The following TRPM3 variants were observed in gnomAD, a reference collection of about 807,000 sequenced individuals.
The protein encoded by TRPM3 is long transient receptor potential channel 3.
TRPM3 carries 77 observed loss-of-function variants against 181.2 expected under a neutral mutation model. That is an observed-to-expected ratio of 0.42 (90% confidence interval 0.35 to 0.51). TRPM3 has a LOEUF of 0.51. Ranked by LOEUF, TRPM3 falls within the 20% of genes least tolerant of loss-of-function variation. The probability of loss-of-function intolerance (pLI) is 0.01; values close to 1 mark genes in which losing one functional copy is unlikely to be tolerated. For synonymous variants in TRPM3, 745 were observed against 796.4 expected, an observed-to-expected ratio of 0.94 and a Z score of 1.09; for missense variants, 1,759 against 2,196.7, an observed-to-expected ratio of 0.80 and a Z score of 3.98.
intron 1 of TRPM3, among the ~76,000 whole-genome samples, chr9:71,108,716 C>T (rs1483947118): frequency 1.3e-5 from 2 of 152,222 alleles, no homozygotes; most frequent in Non-Finnish European, 2.9e-5. Context: ...TCCAGGGCCC[C>T]GTAACAGAGA....
intron 1 of TRPM3, among the ~76,000 whole-genome samples, chr9:71,334,095 C>A (rs1330123990): frequency 6.6e-6 from 1 of 151,716 alleles, no homozygotes; most frequent in Admixed American, 6.6e-5. Context: ...ACTAATTTTT[C>A]TTCTAAAGTA....
At chr9:71,299,268 T>C (rs1183657747) in intron 1 of TRPM3, among the ~76,000 whole-genome samples, 1 of 152,194 alleles carries the variant, frequency 6.6e-6, no homozygotes, top group Non-Finnish European at 1.5e-5. Context: ...TGTGTTTTGA[T>C]TGAGATGAAC....
At chr9:70,565,493 A>G (rs2050323575) in intron 22 of TRPM3, among the ~76,000 whole-genome samples, 1 of 152,068 alleles carries the variant, frequency 6.6e-6, no homozygotes, top group Non-Finnish European at 1.5e-5. Context: ...AGGTTTTGCC[A>G]TGTTGGTCAG....
At chr9:71,308,308 T>C (rs1439071410) in intron 1 of TRPM3, among the ~76,000 whole-genome samples, 3 of 152,206 alleles carry the variant, frequency 2.0e-5, no homozygotes, top group African/African-American at 4.8e-5. Context: ...ACTCTGCTTG[T>C]CTTTATACAT....
Position 70,598,617 on chromosome 9 carries a change from C to T in TRPM3, c.2850G>A (p.Gln950=). Residue 950 remains glutamine, a synonymous_variant, in exon 21 of 26, where the codon CAG becomes CAA. Transcript: ENST00000677713. The stretch of plus-strand genomic sequence containing the variant: ...TGAGGTCCGTGACATTCCAGTACTC[C>T]TGCAGCCATACCTTCACTTTCTGTA... ...KLLQKVKVWL[Q]EYWNVTDLIA... 1 of 1,614,188 alleles carries T rather than the reference C, an allele frequency of 6.2e-7. No individual in the cohort carries two copies. The highest frequency in any genetic ancestry group is 8.5e-7 in the Non-Finnish European group (1 of 1,180,028).
intron 3 of TRPM3, among the ~76,000 whole-genome samples, chr9:70,852,210 C>T (rs2095259601): frequency 6.7e-6 from 1 of 148,784 alleles, no homozygotes; most frequent in African/African-American, 2.5e-5. Context: ...AATACAAGAA[C>T]CTTGTGTATT....
chr9:71,055,306 C>A (rs982399790), intron 1 of TRPM3, among the ~76,000 whole-genome samples: 26 of 151,838 alleles, frequency 1.7e-4, no homozygotes, highest in African/African-American at 5.8e-4. Flanking sequence ...AAAGATAGTG[C>A]AGTAGATAAT....
At position 70,655,583 on chromosome 9, in the gene TRPM3, C is replaced by A. The variant is rs75801924; in HGVS notation, c.1346-14923G>T. Among the ~76,000 whole-genome samples the A allele has an allele frequency of 2.0e-4, 31 of 152,086 alleles. 1 individual carries two copies. The East Asian group carries it at 5.8e-3, about 28-fold the overall frequency. ...AGTTCTAAAGTAAAAGCTATAGGATCTTTGTGTGCGTGATTATATGTGTGT... is the reference window on the plus strand; with the variant it reads ...AGTTCTAAAGTAAAAGCTATAGGATATTTGTGTGCGTGATTATATGTGTGT... On this transcript the variant is annotated intron_variant, in intron 9 of 25. Transcript: ENST00000677713.
chr9:70,841,163 T>A (rs2094603225), intron 5 of TRPM3, among the ~76,000 whole-genome samples: 1 of 152,138 alleles, frequency 6.6e-6, no homozygotes, highest in Admixed American at 6.6e-5. Context: ...TAAAAGCCAA[T>A]TTGGAATCTA....
chr9:71,444,791 A>G (rs1384132890), intron 1 of TRPM3, among the ~76,000 whole-genome samples: 1 of 152,360 alleles, frequency 6.6e-6, no homozygotes, highest in African/African-American at 2.4e-5. Context: ...CAAAACCACC[A>G]TCTTAGCTCT....
chr9:71,044,318 C>T (rs1421312600), intron 1 of TRPM3, among the ~76,000 whole-genome samples: 1 of 152,146 alleles, frequency 6.6e-6, no homozygotes, highest in African/African-American at 2.4e-5. Flanking sequence ...GCAGCTGCTC[C>T]CATTTCTGTC....
At chr9:71,340,318 A>G (rs1169169616) in intron 1 of TRPM3, among the ~76,000 whole-genome samples, 1 of 152,160 alleles carries the variant, frequency 6.6e-6, no homozygotes, top group Non-Finnish European at 1.5e-5. Context: ...ATATAGCTAA[A>G]TACAGAGATC....
intron 7 of TRPM3, among the ~76,000 whole-genome samples, chr9:70,764,384 T>C (rs552520745): frequency 5.9e-5 from 9 of 152,322 alleles, no homozygotes; most frequent in African/African-American, 2.2e-4. Flanking sequence ...TGCAGGTGTT[T>C]AATTTTGATA....
At chr9:71,350,697 T>C (rs1312913042) in intron 1 of TRPM3, among the ~76,000 whole-genome samples, 1 of 152,254 alleles carries the variant, frequency 6.6e-6, no homozygotes, top group Non-Finnish European at 1.5e-5. Flanking sequence ...TAGTTCAATT[T>C]ATTTTGTTGA....
chr9:71,050,406 C>T (rs1336848824), intron 1 of TRPM3, among the ~76,000 whole-genome samples: 1 of 152,098 alleles, frequency 6.6e-6, no homozygotes, highest in African/African-American at 2.4e-5. Context: ...TACAGTTTTG[C>T]TCACAGAAAT....
chr9:71,233,544 AT>A (rs2081192979), intron 1 of TRPM3, among the ~76,000 whole-genome samples: 1 of 152,204 alleles, frequency 6.6e-6, no homozygotes, highest in Non-Finnish European at 1.5e-5. Flanking sequence ...CAAAAAAATC[AT>A]TATCTTATAC....
At chr9:71,001,247 C>A (rs1281758328) in intron 1 of TRPM3, among the ~76,000 whole-genome samples, 2 of 152,150 alleles carry the variant, frequency 1.3e-5, no homozygotes, top group African/African-American at 2.4e-5. Flanking sequence ...TCTGCCCAAC[C>A]GTAAGCCCAC....
chr9:70,608,727 C>T (rs2061572770), intron 19 of TRPM3, among the ~76,000 whole-genome samples: 1 of 152,004 alleles, frequency 6.6e-6, no homozygotes, highest in African/African-American at 2.4e-5. Context: ...GTAATCCCAG[C>T]TACTCGGGAG....
intron 25 of TRPM3, among the ~76,000 whole-genome samples, chr9:70,538,594 T>G (rs897982767): frequency 1.3e-5 from 2 of 151,466 alleles, no homozygotes; most frequent in Non-Finnish European, 2.9e-5. Context: ...ATGCTAGCTG[T>G]TTTTTAAATT....
Sources: allele counts gnomAD v4.1 joint callset (sites outside exome capture counted in the v4.1 genomes callset), GRCh38; gene constraint gnomAD v4.1.1; transcripts MANE v1.5; gene names NCBI Gene and HGNC (gene_info 2026-07-23, HGNC 2026-07-21).